Variants in LARGE1 observed in about 807,000 individuals in gnomAD.
LARGE1 encodes the protein xylosyl- and glucuronyltransferase LARGE1.
LARGE1 carries 43 observed loss-of-function variants against 87.6 expected under a neutral mutation model. The observed-to-expected ratio is 0.49, with a 90% CI of 0.38 to 0.63. The LOEUF (loss-of-function observed/expected upper bound fraction) is 0.63, where lower values mean the gene tolerates loss of function less well. Among genes scored for constraint, LARGE1 ranks in the 30% least tolerant of loss-of-function variants. The pLI is 0.00. For synonymous variants in LARGE1, 434 were observed against 394.6 expected (o/e 1.10, Z -1.18); for missense variants, 802 against 1,000.2 (o/e 0.80, Z 2.67).
At chr22:33,496,475 C>T (rs2148330693) in intron 6 of LARGE1, among the ~76,000 whole-genome samples, 1 of 152,210 alleles carries the variant, frequency 6.6e-6, no homozygotes, top group East Asian at 1.9e-4. Context: ...CAAGTAAGGA[C>T]ACAGCAAGAA....
chr22:33,864,456 A>G (rs2146619746), intron 1 of LARGE1, among the ~76,000 whole-genome samples: 1 of 152,336 alleles, frequency 6.6e-6, no homozygotes, highest in Non-Finnish European at 1.5e-5. Context: ...GGAAAGCTAC[A>G]TAGGCAAGGT....
At chr22:33,687,938 A>T (rs2081991493) in intron 2 of LARGE1, among the ~76,000 whole-genome samples, 1 of 152,158 alleles carries the variant, frequency 6.6e-6, no homozygotes, top group African/African-American at 2.4e-5. Context: ...GAACTTCCAT[A>T]TGCTTATTCC....
At chr22:33,153,524 A>G in the LARGE1 span, among the ~76,000 whole-genome samples, 7 of 152,128 alleles carry the variant, frequency 4.6e-5, no homozygotes, top group African/African-American at 1.7e-4. Context: ...AACCTTTCTT[A>G]AGGTTTGTTG....
intron 6 of LARGE1, among the ~76,000 whole-genome samples, chr22:33,486,606 G>A (rs928033161): frequency 6.6e-6 from 1 of 152,100 alleles, no homozygotes. Flanking sequence ...TGCAACTTCA[G>A]AGAGAAAGAG....
At chr22:33,089,401 T>TCC in the LARGE1 span, among the ~76,000 whole-genome samples, 12 of 118,710 alleles carry the variant, frequency 1.0e-4, no homozygotes, top group African/African-American at 1.5e-4. Flanking sequence ...TTCTTCTTCT[T>TCC]TCTTCTTCTT....
At chr22:33,583,674 C>T (rs920336741) in intron 5 of LARGE1, among the ~76,000 whole-genome samples, 2 of 152,222 alleles carry the variant, frequency 1.3e-5, no homozygotes, top group African/African-American at 4.8e-5. Context: ...AATCTGTACA[C>T]TATAAAATGA....
intron 1 of LARGE1, among the ~76,000 whole-genome samples, chr22:33,813,498 C>T (rs1018769305): frequency 6.6e-6 from 1 of 151,990 alleles, no homozygotes; most frequent in Admixed American, 6.6e-5. Flanking sequence ...CAACGGCCCA[C>T]CAGATACATA....
At chr22:33,864,917 CAT>C (rs907371260) in intron 1 of LARGE1, among the ~76,000 whole-genome samples, 9 of 152,216 alleles carry the variant, frequency 5.9e-5, no homozygotes, top group African/African-American at 1.7e-4. Context: ...CACTCTCTCA[CAT>C]GTCTCTCTCG....
Position 33,240,358 on chromosome 22 carries a change from A to G in LARGE1, c.1730+63871T>C, listed in dbSNP as rs922603589. Among the ~76,000 whole-genome samples, 10 of 152,314 alleles carry G rather than the reference A, an allele frequency of 6.6e-5. No homozygotes were observed. In the South Asian group the frequency reaches 1.9e-3, roughly 28 times the overall value. On this transcript the variant is annotated intron_variant, in intron 11 of 11. Coordinates refer to the LARGE1 transcript ENST00000608642. ...TTCTTATTATTGATTTGAAAGAATT[A>G]TATTTATATGCTTATATTCTGGTTA... is the stretch of plus-strand genomic sequence containing the variant.
chr22:33,478,365 A>G lies in LARGE1; in HGVS notation c.788-46100T>C, dbSNP rs962379560. The stretch of plus-strand genomic sequence containing the variant: ...ACCAGTTTCACCCACAATCTCCCCA[A>G]TGTATTTAGCCATGGAGGCTCTTTT... On this transcript the variant is annotated intron_variant, in intron 6 of 14. Coordinates refer to ENST00000397394, the MANE Select transcript of LARGE1 (RefSeq NM_133642.5). Among the ~76,000 whole-genome samples, 7 of 152,190 alleles carry G rather than the reference A, an allele frequency of 4.6e-5. No individual in the cohort carries two copies. The East Asian group carries it at 7.7e-4, about 17-fold the overall frequency.
chr22:33,222,005 C>G (rs1925481769), intron 11 of LARGE1, among the ~76,000 whole-genome samples: 1 of 152,180 alleles, frequency 6.6e-6, no homozygotes, highest in African/African-American at 2.4e-5. Flanking sequence ...ATTCTGCTGG[C>G]TCTTTGCCAT....
intron 9 of LARGE1, among the ~76,000 whole-genome samples, chr22:33,368,318 G>C (rs1417911699): frequency 1.3e-5 from 2 of 152,122 alleles, no homozygotes; most frequent in Non-Finnish European, 2.9e-5. Flanking sequence ...CCGATCACCT[G>C]AGGTCAAGAG....
chr22:33,901,077 C>T (rs1046068391), intron 1 of LARGE1, among the ~76,000 whole-genome samples: 1 of 152,010 alleles, frequency 6.6e-6, no homozygotes, highest in Middle Eastern at 3.2e-3. Context: ...GTTGTTTGCA[C>T]ACAGAGACAT....
chr22:33,446,271 A>G (rs2067684313), intron 6 of LARGE1, among the ~76,000 whole-genome samples: 1 of 152,216 alleles, frequency 6.6e-6, no homozygotes, highest in South Asian at 2.1e-4. Context: ...CATCTCTTCC[A>G]TATGGCTGTT....
At chr22:33,774,626 G>A (rs2085177815) in intron 1 of LARGE1, among the ~76,000 whole-genome samples, 1 of 152,144 alleles carries the variant, frequency 6.6e-6, no homozygotes, top group African/African-American at 2.4e-5. Context: ...CCAAAGTGCT[G>A]GGATTACAGG....
chr22:33,697,865 C>T (rs1377907375), intron 2 of LARGE1, among the ~76,000 whole-genome samples: 3 of 152,124 alleles, frequency 2.0e-5, no homozygotes, highest in African/African-American at 7.2e-5. Context: ...TGAGTTAAAC[C>T]GCTGCTCAGG....
At chr22:33,603,021 G>A (rs900772511) in intron 5 of LARGE1, among the ~76,000 whole-genome samples, 3 of 152,264 alleles carry the variant, frequency 2.0e-5, no homozygotes, top group Non-Finnish European at 2.9e-5. Context: ...CTTAATTAGC[G>A]CAGCAATTTG....
At chr22:33,467,612 T>G (rs1340773215) in intron 6 of LARGE1, among the ~76,000 whole-genome samples, 3 of 152,222 alleles carry the variant, frequency 2.0e-5, no homozygotes, top group Admixed American at 2.0e-4. Context: ...CCATAATGAA[T>G]TCTGAACAGC....
chr22:33,446,512 G>A (rs976318351), intron 6 of LARGE1, among the ~76,000 whole-genome samples: 2 of 152,334 alleles, frequency 1.3e-5, no homozygotes, highest in South Asian at 4.1e-4. Context: ...AGGGTCAGAA[G>A]TGAATTGAAT....
Sources: allele counts gnomAD v4.1 joint callset (sites outside exome capture counted in the v4.1 genomes callset), GRCh38; gene constraint gnomAD v4.1.1; transcripts MANE v1.5; gene names NCBI Gene and HGNC (gene_info 2026-07-23, HGNC 2026-07-21).